The following HYDIN variants were observed in gnomAD, a reference collection of about 807,000 sequenced individuals.
HYDIN encodes axonemal central pair apparatus protein HYDIN.
HYDIN carries 132 observed loss-of-function variants against 403.9 expected under a neutral mutation model. The observed-to-expected ratio is 0.33, with a 90% CI of 0.28 to 0.38. The LOEUF (loss-of-function observed/expected upper bound fraction) is 0.38, where lower values mean the gene tolerates loss of function less well. Ranked by LOEUF, HYDIN falls within the 10% of genes least tolerant of loss-of-function variation. The pLI is 1.00. For missense variants in HYDIN, 2,827 were observed against 5,009.5 expected (o/e 0.56, Z 13.15); for synonymous variants, 1,202 against 1,891.7 (o/e 0.64, Z 9.46).
rs566120368 is a variant in HYDIN, at chr16:71,027,204, T to C, written c.3042+398A>G. ...GGCTGGAAAGAAAGGAACAGGGATG[T>C]CCCAATACCTGAATAGGAGAGGCAG... On this transcript the variant is annotated intron_variant, in intron 20 of 85. Transcript: ENST00000393567. 97 of 1,096,406 alleles carry C rather than the reference T, an allele frequency of 8.8e-5. 1 individual carries two copies. The highest frequency in any genetic ancestry group is 5.3e-4 in the South Asian group (21 of 39,348). The allele number at this position is 1,096,406 out of a possible 1,614,324, so 67.9% of individuals were successfully genotyped here. A position where few individuals can be genotyped will look rare whatever the true frequency, so the allele number is the denominator to read the frequency against.
intron 8 of HYDIN, among the ~76,000 whole-genome samples, chr16:71,133,891 T>C (rs1245561136): frequency 2.6e-5 from 4 of 151,838 alleles, no homozygotes; most frequent in African/African-American, 9.7e-5. Flanking sequence ...AAGGTCCCTA[T>C]ACATCTGATT....
intron 83 of HYDIN, among the ~76,000 whole-genome samples, chr16:70,823,673 G>T (rs2036405836): frequency 1.3e-5 from 2 of 152,192 alleles, no homozygotes. Flanking sequence ...CATAGCAGCT[G>T]CTCCCTGGTA....
chr16:71,062,465 G>T (rs895843955), intron 16 of HYDIN, 132 bp from the exon 17 acceptor site: 2 of 674,920 alleles, frequency 3.0e-6, no homozygotes, highest in African/African-American at 1.8e-5. Context: ...CAAGTAAATA[G>T]GGATGAGCAC....
In HYDIN at chr16:71,224,181, A is replaced by G. The variant is rs147011272; in HGVS notation, c.-24+6381T>C. Among the ~76,000 whole-genome samples the G allele has an allele frequency of 5.3e-5, 8 of 152,342 alleles. No individual in the cohort carries two copies. In the East Asian group the frequency reaches 1.5e-3, roughly 29 times the overall value. On this transcript the variant is annotated intron_variant, in intron 1 of 85. Coordinates refer to ENST00000393567, the MANE Select transcript of HYDIN (RefSeq NM_001270974.2). ...AGCTGGAGGCCATTATTCTAAGTGAAGTAACCCAGGAGTGAAAAACCAAAT... is the reference window on the plus strand; with the variant it reads ...AGCTGGAGGCCATTATTCTAAGTGAGGTAACCCAGGAGTGAAAAACCAAAT...
chr16:70,859,358 G>C (rs2039256788), intron 71 of HYDIN, among the ~76,000 whole-genome samples: 2 of 152,202 alleles, frequency 1.3e-5, no homozygotes, highest in Non-Finnish European at 2.9e-5. Flanking sequence ...GTTTGGGTGA[G>C]TTGGCCCCCT....
chr16:70,834,566 G>T (rs1774485), intron 78 of HYDIN, among the ~76,000 whole-genome samples: 9 of 152,094 alleles, frequency 5.9e-5, no homozygotes, highest in Non-Finnish European at 1.2e-4. Flanking sequence ...TGCAGATTCC[G>T]GTTGGGTGCC....
intron 72 of HYDIN, 25 bp from the exon 73 acceptor site, chr16:70,855,300 G>C (rs1359949388): frequency 1.4e-6 from 2 of 1,477,060 alleles, no homozygotes. Flanking sequence ...CCAGCCCTTA[G>C]TGGGGGCCTC....
intron 45 of HYDIN, among the ~76,000 whole-genome samples, chr16:70,923,819 TCAAAA>T (rs2077073726): frequency 8.5e-6 from 1 of 117,880 alleles, no homozygotes; most frequent in Admixed American, 9.1e-5. Flanking sequence ...AGACTCTGTC[TCAAAA>T]AAAAAAAAAA....
At chr16:71,058,804 T>G (rs1209581199) in intron 18 of HYDIN, among the ~76,000 whole-genome samples, 3 of 151,866 alleles carry the variant, frequency 2.0e-5, no homozygotes, top group African/African-American at 7.3e-5. Flanking sequence ...TATGTGGATT[T>G]TCTTCCACCT....
intron 46 of HYDIN, 43 bp downstream of exon 46, chr16:70,920,548 C>T (rs1189175689): frequency 3.3e-6 from 5 of 1,503,052 alleles, no homozygotes; most frequent in Non-Finnish European, 4.5e-6. Context: ...ACAGCGCCTG[C>T]TGCCTGACTT....
At chr16:70,944,323 A>G (rs2143892748) in intron 41 of HYDIN, among the ~76,000 whole-genome samples, 1 of 152,368 alleles carries the variant, frequency 6.6e-6, no homozygotes, top group South Asian at 2.1e-4. Context: ...GAAGAGAGAG[A>G]AAAGGCCACC....
At chr16:70,934,198 T>C (rs2077433564) in intron 45 of HYDIN, among the ~76,000 whole-genome samples, 1 of 151,358 alleles carries the variant, frequency 6.6e-6, no homozygotes, top group African/African-American at 2.4e-5. Context: ...GAGGGAGTGG[T>C]GGAGACAGGA....
At chr16:71,215,351 A>G (rs1019833667) in intron 1 of HYDIN, among the ~76,000 whole-genome samples, 6 of 152,104 alleles carry the variant, frequency 3.9e-5, no homozygotes, top group Non-Finnish European at 7.4e-5. Context: ...ATGGTAGCAA[A>G]ATAGTAAATG....
intron 39 of HYDIN, among the ~76,000 whole-genome samples, chr16:70,956,575 G>C (rs1235278628): frequency 6.6e-6 from 1 of 152,126 alleles, no homozygotes; most frequent in African/African-American, 2.4e-5. Context: ...AGAGCAGGAG[G>C]GTTGGAGTCA....
intron 83 of HYDIN, among the ~76,000 whole-genome samples, chr16:70,819,663 G>A (rs1180478735): frequency 6.8e-6 from 1 of 147,066 alleles, no homozygotes; most frequent in Non-Finnish European, 1.5e-5. Flanking sequence ...CATTCACATA[G>A]CTGCTTTTAT....
rs2035141639 is a variant in HYDIN at position 70,807,117 on chromosome 16, T to G, written c.*463A>C. 6.6e-6 allele frequency among the ~76,000 whole-genome samples: 1 copy of G among 152,224 alleles called. No homozygotes were observed. Among genetic ancestry groups the G allele is most frequent in the African/African-American group, 2.4e-5 (1 of 41,458 alleles). ...GCTCATCCCTCTGAAAATATTTATT[T>G]GGCTTTTATGTGAAAGCAGAATAAA... On this transcript the variant is annotated 3_prime_UTR_variant, in exon 86 of 86. Coordinates refer to ENST00000393567, the MANE Select transcript of HYDIN (RefSeq NM_001270974.2).
chr16:70,854,345 A>C (rs1308378274), intron 73 of HYDIN, among the ~76,000 whole-genome samples: 18 of 132,882 alleles, frequency 1.4e-4, no homozygotes, highest in Middle Eastern at 5.3e-3. Context: ...AGTGATTCTC[A>C]TGCCTCAGCC....
At chr16:71,149,414 T>C (rs555891057) in intron 7 of HYDIN, among the ~76,000 whole-genome samples, 149 of 150,688 alleles carry the variant, frequency 9.9e-4, no homozygotes, top group Non-Finnish European at 1.9e-3. Context: ...CACTCAGCAA[T>C]TCTACTTTTA....
intron 1 of HYDIN, chr16:71,203,736 C>T (rs2088145734): frequency 2.2e-6 from 1 of 455,920 alleles, no homozygotes; most frequent in Non-Finnish European, 4.4e-6. Flanking sequence ...AATGTCTTTG[C>T]AGAGGCTCAT....
Sources: gnomAD v4.1 joint callset for allele counts (sites outside exome capture counted in the v4.1 genomes callset) on GRCh38, gnomAD v4.1.1 for gene constraint, MANE v1.5 for transcripts, NCBI Gene and HGNC (gene_info 2026-07-23, HGNC 2026-07-21) for gene names.